ZNF717: variants seen among roughly 807,000 people sequenced by gnomAD.
ZNF717 encodes the protein zinc finger protein 717.
ZNF717 carries 9 observed loss-of-function variants against 13.8 expected under a neutral mutation model. The ratio of observed to expected loss-of-function variants is 0.65; its 90% CI spans 0.39 to 1.14. ZNF717 has a LOEUF of 1.14. ZNF717 is among the 50% of genes most tolerant of loss of function. The probability of loss-of-function intolerance (pLI) is 0.01; values close to 1 mark genes in which losing one functional copy is unlikely to be tolerated. For synonymous variants in ZNF717, 327 were observed against 364.1 expected, an observed-to-expected ratio of 0.90 and a Z score of 1.16; for missense variants, 1,040 against 1,080.7, an observed-to-expected ratio of 0.96 and a Z score of 0.53.
At chr3:75,773,001 G>A (rs1215030063) in intron 2 of ZNF717, among the ~76,000 whole-genome samples, 1 of 152,166 alleles carries the variant, frequency 6.6e-6, no homozygotes, top group Non-Finnish European at 1.5e-5. Flanking sequence ...AACGGGACTG[G>A]GTCCAGGATC....
At chr3:75,729,342 G>A (rs79679830), downstream of ZNF717, among the ~76,000 whole-genome samples, 8 of 152,248 alleles carry the variant, frequency 5.3e-5, no homozygotes, top group African/African-American at 1.7e-4. Flanking sequence ...CAGACCAGGT[G>A]TGGCAGCTCA....
downstream of ZNF717, among the ~76,000 whole-genome samples, chr3:75,733,132 G>GA (rs1938731813): frequency 1.3e-5 from 2 of 152,144 alleles, no homozygotes; most frequent in African/African-American, 2.4e-5. Context: ...CACAACAAAG[G>GA]AAAGAGTCTC....
intron 2 of ZNF717, among the ~76,000 whole-genome samples, chr3:75,780,433 C>A (rs1944725615): frequency 6.6e-6 from 1 of 152,194 alleles, no homozygotes; most frequent in African/African-American, 2.4e-5. Flanking sequence ...GAGATAGAGT[C>A]TTGCTCTGTC....
downstream of ZNF717, among the ~76,000 whole-genome samples, chr3:75,735,275 T>C (rs1244854963): frequency 2.0e-5 from 3 of 152,308 alleles, no homozygotes; most frequent in East Asian, 3.9e-4. Flanking sequence ...TATAGTGTTA[T>C]TTGAAGGTGG....
chr3:75,715,634 T>A (rs34726351), intron 5 of ZNF717, among the ~76,000 whole-genome samples: 41,743 of 149,738 alleles, frequency 0.28, 5,763 homozygotes, highest in Non-Finnish European at 0.39. Flanking sequence ...AATTTATATT[T>A]CTAAAGATTA....
chr3:75,766,539 T>A (rs962205629), intron 2 of ZNF717, among the ~76,000 whole-genome samples: 1 of 152,140 alleles, frequency 6.6e-6, no homozygotes, highest in Non-Finnish European at 1.5e-5. Flanking sequence ...AACCTCAAAG[T>A]ACGTGAATCA....
chr3:75,736,834 T>C lies in ZNF717; in HGVS notation c.*44A>G. On this transcript the variant is annotated 3_prime_UTR_variant, in exon 5 of 5. Transcript: ENST00000652011. The stretch of plus-strand genomic sequence containing the variant: ...TGTCCATATTCTCCTAGACTGAGCA[T>C]GGAGAAATCTGTAATAGTAGCCAGA... 2 of 1,491,410 alleles carry C rather than the reference T, an allele frequency of 1.3e-6. No homozygotes were observed. Among genetic ancestry groups the C allele is most frequent in the Non-Finnish European group, 9.0e-7 (1 of 1,117,174 alleles). 92.4% of individuals were successfully genotyped at this position (1,491,410 alleles called of 1,614,324 possible). A position where few individuals can be genotyped will look rare whatever the true frequency, so the allele number is the denominator to read the frequency against.
At chr3:75,728,124 A>G (rs1297712465), downstream of ZNF717, among the ~76,000 whole-genome samples, 3 of 152,266 alleles carry the variant, frequency 2.0e-5, no homozygotes, top group African/African-American at 7.2e-5. Context: ...GAAAAAACAT[A>G]AACATATACA....
intron 6 of ZNF717, among the ~76,000 whole-genome samples, chr3:75,702,404 G>C (rs1235321982): frequency 6.6e-6 from 1 of 152,296 alleles, no homozygotes; most frequent in South Asian, 2.1e-4. Context: ...ACTTATTTGT[G>C]GGTGCTAACA....
intron 1 of ZNF717, among the ~76,000 whole-genome samples, chr3:75,783,852 G>A (rs1944985188): frequency 6.6e-6 from 1 of 152,060 alleles, no homozygotes; most frequent in Non-Finnish European, 1.5e-5. Context: ...AGCAATTTTG[G>A]CCTACAATTA....
chr3:75,703,656 A>C (rs1937740992), intron 6 of ZNF717, among the ~76,000 whole-genome samples: 1 of 152,264 alleles, frequency 6.6e-6, no homozygotes, highest in Non-Finnish European at 1.5e-5. Flanking sequence ...TCCAATCTTG[A>C]GAAATCTTTG....
downstream of ZNF717, among the ~76,000 whole-genome samples, chr3:75,727,340 T>C (rs143740893): frequency 6.6e-6 from 1 of 152,224 alleles, no homozygotes; most frequent in African/African-American, 2.4e-5. Context: ...TTTCAGGGAA[T>C]GAGGGAAGAT....
intron 2 of ZNF717, among the ~76,000 whole-genome samples, chr3:75,778,136 T>C (rs1477202863): frequency 2.2e-5 from 3 of 139,124 alleles, no homozygotes; most frequent in Non-Finnish European, 4.6e-5. Flanking sequence ...ATGTGACTGA[T>C]GTGCAAAAAC....
intron 6 of ZNF717, among the ~76,000 whole-genome samples, chr3:75,699,734 T>A (rs1399231817): frequency 6.6e-6 from 1 of 152,306 alleles, no homozygotes; most frequent in Non-Finnish European, 1.5e-5. Context: ...TTATTTTTTA[T>A]AGCAATGTGA....
chr3:75,758,294 C>T (rs1000404861), intron 2 of ZNF717, among the ~76,000 whole-genome samples: 7 of 151,996 alleles, frequency 4.6e-5, no homozygotes, highest in African/African-American at 7.3e-5. Flanking sequence ...GCAGCAGCCT[C>T]GGGAGAAAAC....
chr3:75,729,646 T>C, downstream of ZNF717, among the ~76,000 whole-genome samples: 1 of 146,754 alleles, frequency 6.8e-6, no homozygotes, highest in Admixed American at 6.7e-5. Context: ...AAGGATAAGC[T>C]ATCAATTTAC....
chr3:75,766,168 T>C (rs568044518), intron 2 of ZNF717, among the ~76,000 whole-genome samples: 2 of 152,298 alleles, frequency 1.3e-5, no homozygotes, highest in Admixed American at 1.3e-4. Context: ...AATCCAACCT[T>C]AGTAATGATT....
chr3:75,703,501 C>A (rs1937738161), intron 6 of ZNF717, among the ~76,000 whole-genome samples: 1 of 152,016 alleles, frequency 6.6e-6, no homozygotes, highest in Admixed American at 6.6e-5. Context: ...TGCACTCCAG[C>A]CTGGGCAACA....
intron 5 of ZNF717, among the ~76,000 whole-genome samples, chr3:75,714,478 A>G (rs1384352087): frequency 6.6e-6 from 1 of 152,024 alleles, no homozygotes; most frequent in Middle Eastern, 3.2e-3. Context: ...AATAAAGAGT[A>G]ATTGCTACAA....
Sources: gnomAD v4.1 joint callset for allele counts (sites outside exome capture counted in the v4.1 genomes callset) on GRCh38, gnomAD v4.1.1 for gene constraint, MANE v1.5 for transcripts, NCBI Gene and HGNC (gene_info 2026-07-23, HGNC 2026-07-21) for gene names.